Variants in TMEM196 observed in about 807,000 individuals in gnomAD.
TMEM196 encodes transmembrane protein 196.
TMEM196 carries 17 observed loss-of-function variants against 20.0 expected under a neutral mutation model. That is an observed-to-expected ratio of 0.85 (90% CI 0.58 to 1.27). The LOEUF is 1.27. TMEM196 is among the 50% of genes most tolerant of loss of function. TMEM196 has a pLI of 0.00. For synonymous variants in TMEM196, 113 were observed against 88.9 expected, an observed-to-expected ratio of 1.27 and a Z score of -1.52; for missense variants, 267 against 223.0, an observed-to-expected ratio of 1.20 and a Z score of -1.26.
At chr7:19,736,352 A>ATTTT (rs1562612121) in intron 1 of TMEM196, among the ~76,000 whole-genome samples, 1 of 103,926 alleles carries the variant, frequency 9.6e-6, no homozygotes, top group Non-Finnish European at 2.2e-5. Flanking sequence ...AGTGGTTCCT[A>ATTTT]CTATATATAT....
chr7:19,747,490 G>T (rs1417241916), intron 1 of TMEM196, among the ~76,000 whole-genome samples: 1 of 152,104 alleles, frequency 6.6e-6, no homozygotes, highest in Non-Finnish European at 1.5e-5. Flanking sequence ...CACTTGCTAG[G>T]TAACAGCCTC....
chr7:19,743,738 G>T (rs1297872015), intron 1 of TMEM196, among the ~76,000 whole-genome samples: 1 of 152,096 alleles, frequency 6.6e-6, no homozygotes, highest in African/African-American at 2.4e-5. Flanking sequence ...GTTCAAACTG[G>T]TTTTAAAGGA....
chr7:19,724,139 GC>G lies in TMEM196; in HGVS notation c.533+140del, dbSNP rs1418881042. 6.7e-6 allele frequency: 5 copies of G among 745,756 alleles called. No homozygotes were observed. In the East Asian group the frequency reaches 1.4e-4, roughly 20 times the overall value. The allele number at this position is 745,756 out of a possible 1,614,324, so 46.2% of individuals were successfully genotyped here. On this transcript the variant is annotated intron_variant, in intron 4 of 4. Coordinates refer to ENST00000405844, the MANE Select transcript of TMEM196 (RefSeq NM_001363562.2). ...GGTTTATGTCAGCTCTGCAAAGTAA[GC>G]GCTTACGAAAGCGATACTTTGAGAA...
intron 1 of TMEM196, among the ~76,000 whole-genome samples, chr7:19,747,949 C>G (rs896182175): frequency 6.6e-6 from 1 of 152,124 alleles, no homozygotes; most frequent in Admixed American, 6.5e-5. Context: ...CACTTGGTGG[C>G]AGTAGCTCCC....
chr7:19,749,227 G>A (rs1562620023), intron 1 of TMEM196, among the ~76,000 whole-genome samples: 1 of 152,146 alleles, frequency 6.6e-6, no homozygotes, highest in East Asian at 1.9e-4. Flanking sequence ...AATAAACCAA[G>A]AGAAGCCACC....
intron 1 of TMEM196, among the ~76,000 whole-genome samples, chr7:19,736,938 T>C (rs1784428383): frequency 6.6e-6 from 1 of 152,046 alleles, no homozygotes; most frequent in African/African-American, 2.4e-5. Context: ...TTTTCAAACT[T>C]TCTGTTTTCT....
intron 1 of TMEM196, among the ~76,000 whole-genome samples, chr7:19,753,930 A>G (rs916606020): frequency 6.6e-6 from 1 of 152,186 alleles, no homozygotes; most frequent in African/African-American, 2.4e-5. Flanking sequence ...CAGGTTTGCC[A>G]CCGAAGGCAC....
At position 19,771,038 on chromosome 7, in the gene TMEM196, G is replaced by C. The variant is rs186033648; in HGVS notation, c.147+1512C>G. 3.4e-3 allele frequency among the ~76,000 whole-genome samples: 518 copies of C among 152,120 alleles called. 5 individuals carry two copies. Among genetic ancestry groups the C allele is most frequent in the African/African-American group, 0.012 (486 of 41,498 alleles). ...ACCTTTTCTCCCTCTTTCCCTAAAT[G>C]TTGACATTACACTTCATTTTGACAG... On this transcript the variant is annotated intron_variant, in intron 1 of 4. Coordinates refer to ENST00000405844, the MANE Select transcript of TMEM196 (RefSeq NM_001363562.2).
chr7:19,724,287 G>A lies in TMEM196; in HGVS notation c.526C>T (p.Pro176Ser). The change falls in exon 4 of 5, where the codon CCT becomes TCT. Residue 176 changes from proline to serine, a missense_variant. By Grantham distance (74) the Pro-to-Ser change is moderately conservative. Transcript: ENST00000405844. The stretch of plus-strand genomic sequence containing the variant: ...CCCTAGAAATCAGCGTACCTTGTAG[G>A]TAACTCTGGTGTCGGGGGCACCACC... ...CPVVPPTPEL[P>S]TRK is the part of the protein sequence containing the mutation. The A allele has an allele frequency of 1.9e-6, 3 of 1,550,330 alleles. No homozygotes were observed.
intron 1 of TMEM196, among the ~76,000 whole-genome samples, chr7:19,769,999 C>T (rs920436993): frequency 6.6e-6 from 1 of 152,150 alleles, no homozygotes; most frequent in African/African-American, 2.4e-5. Context: ...TTGGGCTAGT[C>T]ACCCAGCTAA....
At chr7:19,768,484 G>A (rs1254739207) in intron 1 of TMEM196, among the ~76,000 whole-genome samples, 2 of 152,070 alleles carry the variant, frequency 1.3e-5, no homozygotes, top group East Asian at 1.9e-4. Context: ...ATGATGCACT[G>A]GAGGCTGAGA....
At chr7:19,751,815 G>A (rs2041310821) in intron 1 of TMEM196, among the ~76,000 whole-genome samples, 1 of 152,058 alleles carries the variant, frequency 6.6e-6, no homozygotes, top group African/African-American at 2.4e-5. Flanking sequence ...CTGTGTGTAT[G>A]TTTGCTTCAG....
intron 1 of TMEM196, among the ~76,000 whole-genome samples, chr7:19,758,242 G>A (rs1315058307): frequency 6.6e-6 from 1 of 152,082 alleles, no homozygotes; most frequent in Non-Finnish European, 1.5e-5. Context: ...CTAAAAATTA[G>A]CTTCCATTTC....
chr7:19,758,528 T>C (rs936878418), intron 1 of TMEM196, among the ~76,000 whole-genome samples: 1 of 152,206 alleles, frequency 6.6e-6, no homozygotes, highest in Non-Finnish European at 1.5e-5. Context: ...AAAAAACAGA[T>C]GATTTGGACT....
At chr7:19,764,784 T>C (rs1209825505) in intron 1 of TMEM196, among the ~76,000 whole-genome samples, 1 of 151,908 alleles carries the variant, frequency 6.6e-6, no homozygotes, top group Non-Finnish European at 1.5e-5. Context: ...AACATGGAGG[T>C]TGTGCTTGTT....
intron 1 of TMEM196, among the ~76,000 whole-genome samples, chr7:19,767,187 A>G (rs1055665577): frequency 6.6e-6 from 1 of 152,130 alleles, no homozygotes; most frequent in Non-Finnish European, 1.5e-5. Flanking sequence ...GAAATTCATG[A>G]AATAAAGAAA....
chr7:19,766,518 G>GTA (rs1406839385), intron 1 of TMEM196, among the ~76,000 whole-genome samples: 4 of 150,226 alleles, frequency 2.7e-5, no homozygotes, highest in Non-Finnish European at 4.4e-5. Flanking sequence ...GTGTGTATGT[G>GTA]TATATATATA....
chr7:19,725,909 G>A, intron 2 of TMEM196, 141 bp from the exon 3 acceptor site: 1 of 1,009,228 alleles, frequency 9.9e-7, no homozygotes, highest in South Asian at 2.3e-5. Flanking sequence ...CAGAGGACAG[G>A]AGATTTTTTT....
Position 19,773,488 on chromosome 7 carries a change from T to C in TMEM196, c.-792A>G, listed in dbSNP as rs1785975726. On this transcript the variant is annotated 5_prime_UTR_variant, in exon 1 of 5. Transcript: ENST00000405844. ...GGAAAAAGCCTAATGTATTTGTAGA[T>C]CCAGGACCAGTACTCTTGGCTGGCC... is the stretch of plus-strand genomic sequence containing the variant. 5.9e-6 allele frequency: 1 copy of C among 169,416 alleles called. No individual in the cohort carries two copies. The highest frequency in any genetic ancestry group is 1.5e-5 in the Non-Finnish European group (1 of 68,412). The allele number at this position is 169,416 out of a possible 1,614,324, so 10.5% of individuals were successfully genotyped here.
Sources: gnomAD v4.1 joint callset for allele counts (sites outside exome capture counted in the v4.1 genomes callset) on GRCh38, gnomAD v4.1.1 for gene constraint, MANE v1.5 for transcripts, NCBI Gene and HGNC (gene_info 2026-07-23, HGNC 2026-07-21) for gene names.